The following CCDC171 variants were observed in gnomAD, a reference collection of about 807,000 sequenced individuals.
CCDC171 encodes coiled-coil domain-containing protein 171.
In CCDC171, 177 loss-of-function variants were observed where a neutral mutation model predicts 168.2. The observed-to-expected ratio is 1.05, with a 90% CI of 0.93 to 1.19. The LOEUF is 1.19. CCDC171 is among the 50% of genes most tolerant of loss of function. CCDC171 has a pLI of 0.00. For synonymous variants in CCDC171, 687 were observed against 540.8 expected, an observed-to-expected ratio of 1.27 and a Z score of -3.75; for missense variants, 1,991 against 1,539.0, an observed-to-expected ratio of 1.29 and a Z score of -4.91.
chr9:15,833,184 G>A lies in CCDC171; in HGVS notation c.3268-13518G>A, dbSNP rs546898500. Among the ~76,000 whole-genome samples the A allele has an allele frequency of 4.7e-4, 72 of 151,962 alleles. No homozygotes were observed. The Middle Eastern group carries it at 0.01, about 22-fold the overall frequency. ...TTTTGTACTTTTTAGTAGACACAGC[G>A]TTTTGCCATGTTGGCCAGGCTGGTC... On this transcript the variant is annotated intron_variant, in intron 21 of 25. Transcript: ENST00000380701.
chr9:15,896,294 A>G (rs919077600), intron 24 of CCDC171, among the ~76,000 whole-genome samples: 2 of 152,038 alleles, frequency 1.3e-5, no homozygotes, highest in African/African-American at 2.4e-5. Flanking sequence ...TAGAGTCTAA[A>G]CAAGATACAA....
At chr9:15,750,797 T>C (rs988123386) in intron 18 of CCDC171, among the ~76,000 whole-genome samples, 3 of 152,142 alleles carry the variant, frequency 2.0e-5, no homozygotes, top group African/African-American at 4.8e-5. Flanking sequence ...TAAGAGCTGT[T>C]TATGACAAAC....
chr9:15,981,356 G>A (rs1564099311), intron 3 of CCDC171, among the ~76,000 whole-genome samples: 1 of 152,140 alleles, frequency 6.6e-6, no homozygotes, highest in African/African-American at 2.4e-5. Flanking sequence ...CTTTCTGTAA[G>A]CTAGGAAGGG....
intron 16 of CCDC171, among the ~76,000 whole-genome samples, chr9:15,741,279 A>G (rs2054864814): frequency 6.6e-6 from 1 of 152,210 alleles, no homozygotes; most frequent in Non-Finnish European, 1.5e-5. Flanking sequence ...CTCGTTAAGC[A>G]GTCACTCCTT....
chr9:15,884,748 T>C (rs1819163719), intron 24 of CCDC171, among the ~76,000 whole-genome samples: 1 of 152,112 alleles, frequency 6.6e-6, no homozygotes, highest in South Asian at 2.1e-4. Context: ...TTGCTTTTGC[T>C]CACAGGACTG....
chr9:16,074,063 A>T, the CCDC171 span, among the ~76,000 whole-genome samples: 1 of 152,136 alleles, frequency 6.6e-6, no homozygotes, highest in Non-Finnish European at 1.5e-5. Context: ...GCTTAGTATC[A>T]CTGGGCTGGA....
At chr9:15,712,276 C>T (rs1205783714) in intron 11 of CCDC171, among the ~76,000 whole-genome samples, 1 of 152,216 alleles carries the variant, frequency 6.6e-6, no homozygotes, top group East Asian at 1.9e-4. Flanking sequence ...CACCCAATGA[C>T]CCAGTCAGGC....
At chr9:15,875,403 A>G (rs1205937793) in intron 24 of CCDC171, 1 of 151,840 alleles carries the variant, frequency 6.6e-6, no homozygotes, top group African/African-American at 2.4e-5. Flanking sequence ...TTTTTTCCTT[A>G]AGGTTATTTT....
At chr9:15,641,611 T>C (rs781636174) in intron 7 of CCDC171, among the ~76,000 whole-genome samples, 1 of 152,124 alleles carries the variant, frequency 6.6e-6, no homozygotes, top group African/African-American at 2.4e-5. Flanking sequence ...TAAAGTAACA[T>C]GTATCAAAGG....
At chr9:15,988,892 C>G (rs1439287285) in intron 3 of CCDC171, among the ~76,000 whole-genome samples, 2 of 152,164 alleles carry the variant, frequency 1.3e-5, no homozygotes, top group Non-Finnish European at 2.9e-5. Flanking sequence ...GGGGTGCCTG[C>G]CATTGCTGAG....
At chr9:15,899,913 C>CT (rs1408530422) in intron 24 of CCDC171, among the ~76,000 whole-genome samples, 1 of 151,624 alleles carries the variant, frequency 6.6e-6, no homozygotes, top group Non-Finnish European at 1.5e-5. Context: ...GATTTTGTGT[C>CT]TAAGAACTCT....
At chr9:15,823,653 C>G (rs551398403) in intron 21 of CCDC171, among the ~76,000 whole-genome samples, 1 of 151,990 alleles carries the variant, frequency 6.6e-6, no homozygotes, top group African/African-American at 2.4e-5. Context: ...TATAGAAAAG[C>G]CAAATATATT....
chr9:16,087,155 T>C, the CCDC171 span, among the ~76,000 whole-genome samples: 1 of 152,198 alleles, frequency 6.6e-6, no homozygotes, highest in African/African-American at 2.4e-5. Flanking sequence ...TCCAATTATG[T>C]GGTCAATTTT....
At chr9:15,929,504 T>C (rs1221884103) in intron 25 of CCDC171, among the ~76,000 whole-genome samples, 2 of 151,718 alleles carry the variant, frequency 1.3e-5, no homozygotes, top group African/African-American at 4.8e-5. Context: ...CTGAAATAAC[T>C]GTCCACCTTG....
chr9:15,625,670 G>A (rs931941232), intron 7 of CCDC171, among the ~76,000 whole-genome samples: 1 of 152,108 alleles, frequency 6.6e-6, no homozygotes, highest in South Asian at 2.1e-4. Flanking sequence ...TGTTCCATTG[G>A]TCTATATCTC....
chr9:15,763,360 C>T (rs1234756329), intron 18 of CCDC171, among the ~76,000 whole-genome samples: 2 of 152,144 alleles, frequency 1.3e-5, no homozygotes, highest in Non-Finnish European at 2.9e-5. Flanking sequence ...TTGTTGACCT[C>T]AATATCTAGT....
intron 7 of CCDC171, among the ~76,000 whole-genome samples, chr9:15,656,747 C>G (rs907906162): frequency 9.2e-5 from 14 of 151,980 alleles, no homozygotes; most frequent in African/African-American, 3.4e-4. Flanking sequence ...GTGGTGAGGG[C>G]TGGAGGAAGG....
chr9:15,765,117 C>T (rs954427128), intron 18 of CCDC171, among the ~76,000 whole-genome samples: 23 of 152,100 alleles, frequency 1.5e-4, no homozygotes, highest in Non-Finnish European at 2.9e-4. Context: ...AGAATCACTC[C>T]AAATTTGGCA....
the CCDC171 span, among the ~76,000 whole-genome samples, chr9:16,074,544 A>G: frequency 1.3e-5 from 2 of 152,154 alleles, no homozygotes; most frequent in Admixed American, 6.5e-5. Context: ...AGTGCTTACC[A>G]TCTAGTGGGG....
Sources: gnomAD v4.1 joint callset for allele counts (sites outside exome capture counted in the v4.1 genomes callset) on GRCh38, gnomAD v4.1.1 for gene constraint, MANE v1.5 for transcripts, NCBI Gene and HGNC (gene_info 2026-07-23, HGNC 2026-07-21) for gene names.